Variants in OR6N1 observed in about 807,000 individuals in gnomAD.
OR6N1 encodes olfactory receptor 6N1.
For missense variants in OR6N1, 394 were observed against 371.7 expected, an observed-to-expected ratio of 1.06 and a Z score of -0.49; for synonymous variants, 170 against 150.7, an observed-to-expected ratio of 1.13 and a Z score of -0.94.
At chr1:158,778,957 T>C in the OR6N1 span, among the ~76,000 whole-genome samples, 3 of 137,462 alleles carry the variant, frequency 2.2e-5, no homozygotes, top group East Asian at 6.4e-4. Flanking sequence ...AGGTGGAGCT[T>C]GCAGTGAGCC....
the OR6N1 span, chr1:158,808,974 T>G: frequency 0.34 from 51,972 of 152,678 alleles, 9,597 homozygotes; most frequent in East Asian, 0.57. Context: ...ATAAGGTAGC[T>G]ATCCAGTGCC....
chr1:158,836,957 G>A, the OR6N1 span, among the ~76,000 whole-genome samples: 4,019 of 151,602 alleles, frequency 0.027, 183 homozygotes, highest in African/African-American at 0.09. Flanking sequence ...GTGATTCTTT[G>A]TACATGTTTC....
At chr1:158,826,403 G>A in the OR6N1 span, among the ~76,000 whole-genome samples, 43 of 152,058 alleles carry the variant, frequency 2.8e-4, no homozygotes, top group Non-Finnish European at 3.8e-4. Flanking sequence ...ATGAAAGCTC[G>A]ATTTTAATTA....
At chr1:158,802,551 C>A in the OR6N1 span, among the ~76,000 whole-genome samples, 1 of 152,086 alleles carries the variant, frequency 6.6e-6, no homozygotes, top group African/African-American at 2.4e-5. Context: ...TGAGTTTCAT[C>A]TTAAAAGCTT....
At chr1:158,779,593 G>C in the OR6N1 span, among the ~76,000 whole-genome samples, 1 of 152,172 alleles carries the variant, frequency 6.6e-6, no homozygotes, top group African/African-American at 2.4e-5. Context: ...GAAAGCAACT[G>C]ATACTTAAAA....
Position 158,764,989 on chromosome 1 carries a change from T to C in OR6N1, c.*755A>G, listed in dbSNP as rs527818390. ...TCCTTTGGAGAAAATACTTGGAAAGTATTTTTGTTTATTTATGTTTTACTA... is the reference window on the plus strand; with the variant it reads ...TCCTTTGGAGAAAATACTTGGAAAGCATTTTTGTTTATTTATGTTTTACTA... On this transcript the variant is annotated 3_prime_UTR_variant, in exon 2 of 2. Coordinates refer to ENST00000641846, the MANE Select transcript of OR6N1 (RefSeq NM_001005185.2). 1 of 152,098 alleles carries C rather than the reference T, an allele frequency of 6.6e-6. No homozygotes were observed. Among genetic ancestry groups the C allele is most frequent in the Non-Finnish European group, 1.5e-5 (1 of 68,000 alleles). 9.4% of individuals were successfully genotyped at this position (152,098 alleles called of 1,614,324 possible).
At chr1:158,787,583 A>ATACT in the OR6N1 span, among the ~76,000 whole-genome samples, 9 of 147,418 alleles carry the variant, frequency 6.1e-5, no homozygotes, top group Admixed American at 6.1e-4. Flanking sequence ...TTACATGTAT[A>ATACT]TACTTTCTCT....
At chr1:158,800,672 T>C in the OR6N1 span, among the ~76,000 whole-genome samples, 23 of 152,206 alleles carry the variant, frequency 1.5e-4, no homozygotes, top group Non-Finnish European at 3.1e-4. Context: ...ATATCTTTTC[T>C]CTTAAAATAA....
the OR6N1 span, among the ~76,000 whole-genome samples, chr1:158,833,866 TA>T: frequency 6.6e-6 from 1 of 152,222 alleles, no homozygotes; most frequent in African/African-American, 2.4e-5. Context: ...GGAATATATC[TA>T]GAAGTGAAAT....
rs750747403 is a variant in OR6N1, at chr1:158,766,186, A to T, written c.497T>A (p.Leu166His). 1.6e-5 allele frequency: 26 copies of T among 1,614,046 alleles called. No individual in the cohort carries two copies. Among genetic ancestry groups the T allele is most frequent in the East Asian group, 4.5e-5 (2 of 44,880 alleles). ...PVVEISLISR[L>H]PFCGPNRIQH... ...AATGCGATTGGGGCCACAGAATGGG[A>T]GGCGTGAAATCAAGGAAATTTCAAC... Residue 166 changes from leucine (L) to histidine (H), a missense_variant, in exon 2 of 2, where the codon CTC becomes CAC. Leu to His is a moderately conservative substitution (Grantham distance 99, BLOSUM62 -3). Coordinates refer to ENST00000641846, the MANE Select transcript of OR6N1 (RefSeq NM_001005185.2).
chr1:158,823,708 C>T, the OR6N1 span, among the ~76,000 whole-genome samples: 1 of 148,862 alleles, frequency 6.7e-6, no homozygotes, highest in Non-Finnish European at 1.5e-5. Flanking sequence ...GTATCAGTTT[C>T]CTTTAATCCA....
At chr1:158,831,395 C>G in the OR6N1 span, 1 of 152,202 alleles carries the variant, frequency 6.6e-6, no homozygotes, top group Non-Finnish European at 1.5e-5. Flanking sequence ...GTGGCTCTAA[C>G]AAGTGCCATT....
chr1:158,765,922 C>A lies in OR6N1; in HGVS notation c.761G>T (p.Ser254Ile), dbSNP rs1335946822. 1 of 1,614,194 alleles carries A rather than the reference C, an allele frequency of 6.2e-7. No homozygotes were observed. Among genetic ancestry groups the A allele is most frequent in the East Asian group, 2.2e-5 (1 of 44,876 alleles). ...HFTVVLIFYG[S>I]ILSMYVQLKK... is the part of the protein sequence containing the mutation. ...CAGCTGCACATACATGGAAAGGATGCTCCCATAGAAGATGAGAACCACAGT... is the reference window on the plus strand; with the variant it reads ...CAGCTGCACATACATGGAAAGGATGATCCCATAGAAGATGAGAACCACAGT... The change falls in exon 2 of 2, where the codon AGC becomes ATC. Residue 254 changes from serine to isoleucine, a missense_variant. By Grantham distance (142) the Ser-to-Ile change is moderately radical. Transcript: ENST00000641846.
chr1:158,791,184 T>C, the OR6N1 span, among the ~76,000 whole-genome samples: 1 of 152,218 alleles, frequency 6.6e-6, no homozygotes, highest in East Asian at 1.9e-4. Flanking sequence ...TTGTTGAGGA[T>C]TTTTTTAAAA....
chr1:158,822,250 G>T, the OR6N1 span, among the ~76,000 whole-genome samples: 4 of 152,116 alleles, frequency 2.6e-5, no homozygotes, highest in Admixed American at 2.6e-4. Context: ...AGTGTCATAG[G>T]TCATTTGATA....
the OR6N1 span, among the ~76,000 whole-genome samples, chr1:158,802,034 GT>G: frequency 6.6e-6 from 1 of 151,952 alleles, no homozygotes; most frequent in Non-Finnish European, 1.5e-5. Flanking sequence ...AGTGTGTAAA[GT>G]TTTTTGTAAG....
At chr1:158,814,943 C>G in the OR6N1 span, among the ~76,000 whole-genome samples, 133 of 152,130 alleles carry the variant, frequency 8.7e-4, no homozygotes, top group Admixed American at 9.8e-4. Context: ...ATAATTTTCT[C>G]AGGATCCACT....
chr1:158,836,192 T>A, the OR6N1 span, among the ~76,000 whole-genome samples: 1 of 152,024 alleles, frequency 6.6e-6, no homozygotes, highest in African/African-American at 2.4e-5. Context: ...GAAAATTTTA[T>A]TTTTCTAGTG....
chr1:158,823,302 A>G, the OR6N1 span, among the ~76,000 whole-genome samples: 132 of 152,184 alleles, frequency 8.7e-4, no homozygotes, highest in Non-Finnish European at 1.6e-3. Context: ...TCTTCTTTAT[A>G]TATCTGGCAG....
Sources: allele counts gnomAD v4.1 joint callset (sites outside exome capture counted in the v4.1 genomes callset), GRCh38; gene constraint gnomAD v4.1.1; transcripts MANE v1.5; gene names NCBI Gene and HGNC (gene_info 2026-07-23, HGNC 2026-07-21).